The following SH3BP2 variants were observed in gnomAD, a reference collection of about 807,000 sequenced individuals.
SH3BP2 encodes SH3 domain binding protein 2, also known as SH3 domain-binding protein 2.
SH3BP2 carries 38 observed loss-of-function variants against 56.2 expected under a neutral mutation model. The ratio of observed to expected loss-of-function variants is 0.68; its 90% CI spans 0.52 to 0.89. The LOEUF (loss-of-function observed/expected upper bound fraction) is 0.89. SH3BP2 is among the 40% of genes least tolerant of loss of function. SH3BP2 has a pLI of 0.00. For synonymous variants in SH3BP2, 346 were observed against 316.7 expected (o/e 1.09, Z -0.98); for missense variants, 748 against 762.6 (o/e 0.98, Z 0.23).
chr4:2,823,150 A>G, intron 3 of SH3BP2, 113 bp downstream of exon 3: 1 of 803,256 alleles, frequency 1.2e-6, no homozygotes, highest in East Asian at 2.7e-5. Context: ...TGCTTTCCCG[A>G]AGCAGCCTTC....
chr4:2,832,489 A>C, intron 11 of SH3BP2, 77 bp downstream of exon 11: 1 of 1,103,928 alleles, frequency 9.1e-7, no homozygotes, highest in Non-Finnish European at 1.4e-6. Flanking sequence ...CCAGGACTCC[A>C]CAGTTCCTAA....
At chr4:2,816,600 G>T (rs1161218481) in intron 1 of SH3BP2, among the ~76,000 whole-genome samples, 1 of 152,198 alleles carries the variant, frequency 6.6e-6, no homozygotes, top group Non-Finnish European at 1.5e-5. Flanking sequence ...CCCTTTATCA[G>T]ATTGAGGAAC....
chr4:2,819,604 C>G (rs1724191543), intron 1 of SH3BP2, among the ~76,000 whole-genome samples: 1 of 152,126 alleles, frequency 6.6e-6, no homozygotes, highest in Non-Finnish European at 1.5e-5. Context: ...AGTGACCCTA[C>G]CCAGGATGGA....
In SH3BP2 at chr4:2,832,503, A is replaced by G. The variant is rs56106316; in HGVS notation, c.1488+91A>G. On this transcript the variant is annotated intron_variant, in intron 11 of 12. Transcript: ENST00000503393. ...CCCAGGACTCCACAGTTCCTAAACC[A>G]CTCCCCTTGTGGACTCTTACTTGGT... 0.053 allele frequency: 50,091 copies of G among 941,898 alleles called. 1,737 individuals carry two copies. Among genetic ancestry groups the G allele is most frequent in the African/African-American group, 0.1 (6,210 of 61,514 alleles). 58.3% of individuals were successfully genotyped at this position (941,898 alleles called of 1,614,324 possible).
rs1220532993 is a variant in SH3BP2, at chr4:2,825,179, C to G, written c.411C>G (p.Asp137Glu). 7 of 1,583,116 alleles carry G rather than the reference C, an allele frequency of 4.4e-6. No individual in the cohort carries two copies. In the Admixed American group the frequency reaches 1.1e-4, roughly 24 times the overall value. The stretch of plus-strand genomic sequence containing the variant: ...TTGGCCACTTCCACGAAAAGAAAGA[C>G]CTGCCCTTGGACACCAGGTGAGCCC... ...REIGHFHEKKDLPLDTSDSSS... is the reference protein window; with the variant it reads ...REIGHFHEKKELPLDTSDSSS... Residue 137 changes from aspartate to glutamate, a missense_variant, in exon 5 of 13, where the codon GAC (aspartate) becomes GAG (glutamate). This residue lies in a region of SH3BP2 where 635 missense variants were observed against 615.0 expected (regional missense o/e 1.03). Transcript: ENST00000503393.
chr4:2,829,727 C>A lies in SH3BP2; in HGVS notation c.821C>A (p.Pro274His), dbSNP rs760547264. ...CCTTGCCCCAGGGTACCTGCTACCC[C>A]CCGAAGGATGAGCGATCCCCCTCTG... The part of the protein sequence containing the change: ...AEPCPRVPAT[P>H]RRMSDPPLST... The change falls in exon 8 of 13, where the codon CCC becomes CAC. Residue 274 changes from proline to histidine, a missense_variant. Physicochemically the swap from Pro to His is moderately conservative, Grantham distance 77 (BLOSUM62 -2). Coordinates refer to ENST00000503393, the MANE Select transcript of SH3BP2 (RefSeq NM_001122681.2). The surrounding 1 kb of genome is among the most constrained non-coding windows in gnomAD (Gnocchi z 4.9). 15 of 1,612,754 alleles carry A rather than the reference C, an allele frequency of 9.3e-6. No homozygotes were observed. The highest frequency in any genetic ancestry group is 8.0e-5 in the African/African-American group (6 of 74,866).
chr4:2,818,692 G>C (rs900779571), intron 1 of SH3BP2: 49 of 1,000,188 alleles, frequency 4.9e-5, no homozygotes, highest in Admixed American at 6.0e-5. Context: ...GGGCGGCGGG[G>C]TGTGGCGGCG....
At position 2,830,066 on chromosome 4, in the gene SH3BP2, C is replaced by T. The variant is rs372762732; in HGVS notation, c.1160C>T (p.Ala387Val). ...CCCCCCGTGGCTCCCCGGCCTCCTG[C>T]GCTGAAGCTGCCAGTGCCTGAGGCC... ...FVPPVAPRPP[A>V]LKLPVPEAMA... The change falls in exon 8 of 13, where the codon GCG becomes GTG. Residue 387 changes from alanine (A) to valine (V), a missense_variant. By Grantham distance (64) the Ala-to-Val change is moderately conservative (BLOSUM62 0). Around this residue, in one of 3 missense-constraint regions of SH3BP2, gnomAD observed 635 missense variants for 615.0 expected, o/e 1.03. Transcript: ENST00000503393. 2.0e-5 allele frequency: 32 copies of T among 1,611,030 alleles called. 1 individual carries two copies. The highest frequency in any genetic ancestry group is 8.8e-5 in the South Asian group (8 of 91,044).
chr4:2,812,239 C>G, intron 1 of SH3BP2: 2 of 1,521,646 alleles, frequency 1.3e-6, no homozygotes, highest in Non-Finnish European at 1.8e-6. Context: ...GCCCAGGGAG[C>G]AGGGAACAGG....
chr4:2,796,026 C>T (rs554075334), intron 1 of SH3BP2, among the ~76,000 whole-genome samples: 1 of 152,280 alleles, frequency 6.6e-6, no homozygotes, highest in African/African-American at 2.4e-5. Context: ...CTCCTCACCA[C>T]CCCTTGGCCT....
intron 1 of SH3BP2, among the ~76,000 whole-genome samples, chr4:2,799,977 A>G (rs1466131812): frequency 6.6e-6 from 1 of 152,122 alleles, no homozygotes; most frequent in Non-Finnish European, 1.5e-5. Context: ...TCTGGAGACC[A>G]CTGCCGAACA....
rs1388761891 is a variant in SH3BP2 at position 2,829,378 on chromosome 4, TG to T, written c.587-111del. 9.2e-7 allele frequency: 1 copy of T among 1,085,990 alleles called. No individual in the cohort carries two copies. The highest frequency in any genetic ancestry group is 1.4e-6 in the Non-Finnish European group (1 of 709,772). 67.3% of individuals were successfully genotyped at this position (1,085,990 alleles called of 1,614,324 possible). On this transcript the variant is annotated intron_variant, in intron 7 of 12. Coordinates refer to ENST00000503393, the MANE Select transcript of SH3BP2 (RefSeq NM_001122681.2). This position sits in a 1 kb window ranked among gnomAD's most constrained non-coding sequence, Gnocchi z 4.9. The stretch of plus-strand genomic sequence containing the variant: ...GCTGGGCTGCTGGGTGGGCAGGCTG[TG>T]GGGTGGGCCTACCATGGGTTGCACT...
chr4:2,827,106 T>A (rs552310147), intron 5 of SH3BP2, 124 bp from the exon 6 acceptor site: 12 of 757,302 alleles, frequency 1.6e-5, no homozygotes, highest in Non-Finnish European at 1.2e-5. Context: ...TGTCAGTGTA[T>A]CCGTGTGTGC....
intron 1 of SH3BP2, among the ~76,000 whole-genome samples, chr4:2,815,293 T>G (rs1050111301): frequency 6.6e-6 from 1 of 152,152 alleles, no homozygotes; most frequent in East Asian, 1.9e-4. Context: ...TCCCCTTGAA[T>G]GGCCCCTCCT....
At chr4:2,815,333 G>A (rs1678328814) in intron 1 of SH3BP2, among the ~76,000 whole-genome samples, 1 of 152,224 alleles carries the variant, frequency 6.6e-6, no homozygotes, top group African/African-American at 2.4e-5. Context: ...GTCAGCGTCT[G>A]TCCCTGAAGC....
intron 1 of SH3BP2, among the ~76,000 whole-genome samples, chr4:2,807,176 C>A (rs1723569603): frequency 6.6e-6 from 1 of 152,186 alleles, no homozygotes; most frequent in East Asian, 1.9e-4. Flanking sequence ...TGGCCGGCGG[C>A]TTGTCTCACT....
chr4:2,834,203 C>T lies in SH3BP2; in HGVS notation c.*369C>T. ...AGGGCCAGGGCAGCTGGGTGGGGGC[C>T]GGGGCTGGCCCTGGGACCCCCAGGA... On this transcript the variant is annotated 3_prime_UTR_variant, in exon 13 of 13. Transcript: ENST00000503393. 4.9e-6 allele frequency: 1 copy of T among 204,666 alleles called. No individual in the cohort carries two copies. The highest frequency in any genetic ancestry group is 9.8e-6 in the Non-Finnish European group (1 of 102,014). 12.7% of individuals were successfully genotyped at this position (204,666 alleles called of 1,614,324 possible).
intron 6 of SH3BP2, 111 bp from the exon 7 acceptor site, chr4:2,827,495 C>T (rs559014627): frequency 8.0e-7 from 1 of 1,252,748 alleles, no homozygotes; most frequent in Non-Finnish European, 1.1e-6. Flanking sequence ...TCACAGTCCT[C>T]CCAGCAGGTG....
At chr4:2,805,382 G>T (rs1316329934) in intron 1 of SH3BP2, among the ~76,000 whole-genome samples, 2 of 152,216 alleles carry the variant, frequency 1.3e-5, no homozygotes, top group East Asian at 3.8e-4. Flanking sequence ...CCCCCCTCCT[G>T]CAGCCAGGGG....
Sources: gnomAD v4.1 joint callset for allele counts (sites outside exome capture counted in the v4.1 genomes callset) on GRCh38, gnomAD v4.1.1 for gene constraint, gnomAD v4.1.1 regional missense constraint, Gnocchi (gnomAD v3.1) non-coding constraint, MANE v1.5 for transcripts, NCBI Gene and HGNC (gene_info 2026-07-23, HGNC 2026-07-21) for gene names.